Variants in AXIN1 observed in about 807,000 individuals in gnomAD.
The protein encoded by AXIN1 is axin-1.
Under a neutral mutation model 76.4 loss-of-function variants are expected in AXIN1, and 30 were observed. The observed-to-expected ratio is 0.39, with a 90% confidence interval of 0.29 to 0.53. The LOEUF is 0.53. AXIN1 is among the 20% of genes least tolerant of loss of function. The pLI, the probability that AXIN1 is intolerant of heterozygous loss-of-function variation, is 0.66. For synonymous variants in AXIN1, 545 were observed against 501.4 expected (o/e 1.09, Z -1.16); for missense variants, 1,140 against 1,198.8 (o/e 0.95, Z 0.72).
chr16:305,940 C>T (rs550799872), intron 4 of AXIN1, among the ~76,000 whole-genome samples: 2 of 152,100 alleles, frequency 1.3e-5, no homozygotes, highest in African/African-American at 2.4e-5. Flanking sequence ...CTGGGATTAC[C>T]GGTGTGAGCC....
Position 296,946 on chromosome 16 carries a change from G to A in AXIN1, c.1955+110C>T, listed in dbSNP as rs113794121. On this transcript the variant is annotated intron_variant, in intron 7 of 10. Transcript: ENST00000262320. Reference sequence around the variant, plus strand: ...CACAGTGACAGGGGAAGTGTGAGGCGTCACAGGCGACACTCGCCACACACA... The same window carrying A: ...CACAGTGACAGGGGAAGTGTGAGGCATCACAGGCGACACTCGCCACACACA... The A allele has an allele frequency of 3.6e-4, 488 of 1,358,362 alleles. 2 individuals carry two copies. The African/African-American group carries it at 4.6e-3, about 13-fold the overall frequency. The allele number at this position is 1,358,362 out of a possible 1,614,324, so 84.1% of individuals were successfully genotyped here.
At chr16:298,842 C>G (rs538536367) in intron 5 of AXIN1, among the ~76,000 whole-genome samples, 1 of 152,284 alleles carries the variant, frequency 6.6e-6, no homozygotes, top group East Asian at 1.9e-4. Context: ...CATCTCGGCT[C>G]CCTGCAACCT....
Position 346,391 on chromosome 16 carries a change from C to G in AXIN1, c.635G>C (p.Arg212Thr). Reference sequence around the variant, plus strand: ...GACTTTGGGGCTCTCCGAGCCTGTCCTCGTATATTCCAAATAAATATCAGA... The same window carrying G: ...GACTTTGGGGCTCTCCGAGCCTGTCGTCGTATATTCCAAATAAATATCAGA... ...LKSDIYLEYTRTGSESPKVCS... is the reference protein window; with the variant it reads ...LKSDIYLEYTTTGSESPKVCS... The change falls in exon 2 of 11, where the codon AGG becomes ACG. Residue 212 changes from arginine to threonine, a missense_variant. Coordinates refer to ENST00000262320, the MANE Select transcript of AXIN1 (RefSeq NM_003502.4). 6.2e-7 allele frequency: 1 copy of G among 1,614,192 alleles called. No individual in the cohort carries two copies. Among genetic ancestry groups the G allele is most frequent in the Non-Finnish European group, 8.5e-7 (1 of 1,180,034 alleles).
chr16:347,062 C>T lies in AXIN1; in HGVS notation c.-37G>A, dbSNP rs2141711111. 6.2e-7 allele frequency: 1 copy of T among 1,613,520 alleles called. No homozygotes were observed. The highest frequency in any genetic ancestry group is 8.5e-7 in the Non-Finnish European group (1 of 1,180,014). On this transcript the variant is annotated 5_prime_UTR_variant, in exon 2 of 11. In the 5' UTR this introduces an upstream ATG that the reference lacks. Coordinates refer to ENST00000262320, the MANE Select transcript of AXIN1 (RefSeq NM_003502.4). ...GCGTCAAGGAACAATGAGCGCTGCA[C>T]CCTAATACATCAGTACTTACAGCTC...
intron 2 of AXIN1, among the ~76,000 whole-genome samples, chr16:317,282 C>T (rs1403877878): frequency 6.6e-6 from 1 of 152,208 alleles, no homozygotes; most frequent in Non-Finnish European, 1.5e-5. Flanking sequence ...CAGGGCCTCG[C>T]TGCACGGGGC....
intron 2 of AXIN1, among the ~76,000 whole-genome samples, chr16:318,561 ACGTT>A (rs1379229110): frequency 1.3e-5 from 2 of 152,122 alleles, no homozygotes; most frequent in Non-Finnish European, 1.5e-5. Context: ...GCGACCAAGA[ACGTT>A]CTGGTCAAAG....
At chr16:288,622 A>C (rs1325518263) in intron 10 of AXIN1, among the ~76,000 whole-genome samples, 5 of 152,210 alleles carry the variant, frequency 3.3e-5, no homozygotes, top group African/African-American at 1.2e-4. Flanking sequence ...CCACATCTGC[A>C]GTCATGGGGT....
rs1230408826 is a variant in AXIN1, at chr16:289,472, G to C, written c.2430C>G (p.Phe810Leu). The C allele has an allele frequency of 2.5e-6, 4 of 1,612,940 alleles. No homozygotes were observed. The highest frequency in any genetic ancestry group is 3.4e-6 in the Non-Finnish European group (4 of 1,180,020). ...VRGRAVTLGQ[F>L]KELLTKKGSY... The stretch of plus-strand genomic sequence containing the variant: ...TGCCCTTTTTGGTCAGCAGCTCCTT[G>C]AACTGGCCCAGGGTGACAGCGCGGC... Residue 810 changes from phenylalanine to leucine, a missense_variant, in exon 10 of 11, where the codon TTC (phenylalanine) becomes TTG (leucine). Transcript: ENST00000262320.
intron 2 of AXIN1, among the ~76,000 whole-genome samples, chr16:333,764 G>A (rs1044707236): frequency 6.6e-6 from 1 of 151,932 alleles, no homozygotes; most frequent in South Asian, 2.1e-4. Flanking sequence ...TGGCATGAGC[G>A]CATAACACCA....
chr16:301,518 C>T (rs897148290), intron 5 of AXIN1, among the ~76,000 whole-genome samples: 19 of 152,046 alleles, frequency 1.2e-4, no homozygotes, highest in African/African-American at 3.6e-4. Context: ...AGGCCAGGCA[C>T]GGTGGCTCGT....
At chr16:333,012 T>C (rs1246701381) in intron 2 of AXIN1, among the ~76,000 whole-genome samples, 2 of 152,068 alleles carry the variant, frequency 1.3e-5, no homozygotes, top group Non-Finnish European at 2.9e-5. Context: ...CTGGGAGACC[T>C]TGTCTCTACA....
intron 9 of AXIN1, chr16:290,852 C>A: frequency 2.3e-6 from 1 of 426,464 alleles, no homozygotes; most frequent in South Asian, 2.1e-5. Context: ...AGGGACCGGC[C>A]CGTTCCAAGC....
chr16:349,437 C>A (rs1032819380), intron 1 of AXIN1, among the ~76,000 whole-genome samples: 3 of 152,182 alleles, frequency 2.0e-5, no homozygotes, highest in African/African-American at 7.2e-5. Flanking sequence ...GGAAAGAAGG[C>A]CTGCACCCTG....
At chr16:342,330 A>G (rs1490748494) in intron 2 of AXIN1, among the ~76,000 whole-genome samples, 2 of 152,276 alleles carry the variant, frequency 1.3e-5, no homozygotes, top group Admixed American at 6.5e-5. Context: ...CACTCACGGC[A>G]AGGGTCCGCG....
intron 2 of AXIN1, among the ~76,000 whole-genome samples, chr16:325,631 A>G (rs1209469066): frequency 6.6e-6 from 1 of 152,230 alleles, no homozygotes; most frequent in East Asian, 1.9e-4. Flanking sequence ...ACTGCCAAGG[A>G]GCGGTCACCG....
chr16:324,069 G>C (rs1430115335), intron 2 of AXIN1, among the ~76,000 whole-genome samples: 1 of 152,172 alleles, frequency 6.6e-6, no homozygotes, highest in Non-Finnish European at 1.5e-5. Context: ...ACCATGGGGA[G>C]CCCAGTGCAG....
chr16:345,790 A>G (rs1350141197), intron 2 of AXIN1, among the ~76,000 whole-genome samples: 3 of 152,038 alleles, frequency 2.0e-5, no homozygotes, highest in Non-Finnish European at 2.9e-5. Flanking sequence ...CCCTTTATTA[A>G]GCGGAAAGGA....
chr16:347,178 G>T, intron 1 of AXIN1, 72 bp from the exon 2 acceptor site: 1 of 1,368,686 alleles, frequency 7.3e-7, no homozygotes, highest in Non-Finnish European at 1.0e-6. Flanking sequence ...GTTTTCTCAA[G>T]ACAAGACTCA....
intron 2 of AXIN1, among the ~76,000 whole-genome samples, chr16:344,034 G>T (rs1483046240): frequency 2.0e-5 from 3 of 150,218 alleles, no homozygotes; most frequent in African/African-American, 7.3e-5. Context: ...AAGAAAGAAA[G>T]AAACTCTCAG....
Sources: allele counts gnomAD v4.1 joint callset (sites outside exome capture counted in the v4.1 genomes callset), GRCh38; gene constraint gnomAD v4.1.1; transcripts MANE v1.5; gene names NCBI Gene and HGNC (gene_info 2026-07-23, HGNC 2026-07-21).